Variants in TTC39B observed in about 807,000 individuals in gnomAD.
The protein encoded by TTC39B is tetratricopeptide repeat domain 39B, also known as tetratricopeptide repeat protein 39B.
TTC39B carries 92 observed loss-of-function variants against 96.6 expected under a neutral mutation model. The ratio of observed to expected loss-of-function variants is 0.95; its 90% CI spans 0.80 to 1.13. TTC39B has a LOEUF of 1.13. Among genes scored for constraint, TTC39B ranks in the 50% most tolerant of loss-of-function variants. TTC39B has a pLI of 0.00. For synonymous variants in TTC39B, 367 were observed against 299.4 expected, an observed-to-expected ratio of 1.23 and a Z score of -2.33; for missense variants, 955 against 809.3, an observed-to-expected ratio of 1.18 and a Z score of -2.18.
At chr9:15,247,153 A>T (rs1822315125) in intron 2 of TTC39B, among the ~76,000 whole-genome samples, 1 of 152,218 alleles carries the variant, frequency 6.6e-6, no homozygotes, top group African/African-American at 2.4e-5. Flanking sequence ...AGGAGAGAGA[A>T]GTGACATAAC....
intron 4 of TTC39B, among the ~76,000 whole-genome samples, chr9:15,212,344 A>C (rs1820252144): frequency 6.6e-6 from 1 of 151,766 alleles, no homozygotes; most frequent in Non-Finnish European, 1.5e-5. Flanking sequence ...TGTGGTTTCA[A>C]ACCTCACATT....
At chr9:15,220,122 T>C (rs1820764103) in intron 3 of TTC39B, among the ~76,000 whole-genome samples, 1 of 152,174 alleles carries the variant, frequency 6.6e-6, no homozygotes, top group Non-Finnish European at 1.5e-5. Context: ...GCAGACAAGT[T>C]TACTCTTCAG....
intron 3 of TTC39B, among the ~76,000 whole-genome samples, chr9:15,214,618 G>A (rs1056441285): frequency 9.9e-5 from 15 of 152,084 alleles, no homozygotes; most frequent in African/African-American, 2.7e-4. Flanking sequence ...CTCCCCGACC[G>A]TGGAATAAGT....
chr9:15,275,236 T>A (rs1823496399), intron 1 of TTC39B, among the ~76,000 whole-genome samples: 1 of 152,170 alleles, frequency 6.6e-6, no homozygotes, highest in Non-Finnish European at 1.5e-5. Flanking sequence ...AGACGGGGTT[T>A]CTCCAGGTTG....
chr9:15,275,926 AT>A (rs1162451514), intron 1 of TTC39B, among the ~76,000 whole-genome samples: 1 of 152,262 alleles, frequency 6.6e-6, no homozygotes, highest in South Asian at 2.1e-4. Context: ...TTTTGAAAAA[AT>A]TTAAAAAGAC....
At chr9:15,258,285 G>A (rs926787967) in intron 2 of TTC39B, among the ~76,000 whole-genome samples, 12 of 152,156 alleles carry the variant, frequency 7.9e-5, no homozygotes, top group Non-Finnish European at 1.6e-4. Flanking sequence ...GAAATCATCA[G>A]ACTTGGTAAT....
intron 15 of TTC39B, among the ~76,000 whole-genome samples, chr9:15,185,782 A>T (rs973393887): frequency 6.6e-6 from 1 of 152,214 alleles, no homozygotes; most frequent in African/African-American, 2.4e-5. Flanking sequence ...AGTCCAAAGT[A>T]TTTACTTACG....
chr9:15,255,668 G>C (rs965456442), intron 2 of TTC39B, among the ~76,000 whole-genome samples: 1 of 152,216 alleles, frequency 6.6e-6, no homozygotes. Context: ...TTAAGATTCT[G>C]ACACTCATTT....
intron 1 of TTC39B, among the ~76,000 whole-genome samples, chr9:15,294,190 T>C (rs1419173631): frequency 7.0e-6 from 1 of 143,660 alleles, no homozygotes; most frequent in Non-Finnish European, 1.5e-5. Context: ...GAAAGAGCAG[T>C]CTATTGTCAG....
At chr9:15,270,887 A>G (rs933101336) in intron 1 of TTC39B, among the ~76,000 whole-genome samples, 13 of 152,172 alleles carry the variant, frequency 8.5e-5, no homozygotes, top group Non-Finnish European at 1.8e-4. Flanking sequence ...TCTTAATTTT[A>G]AAAAAGGAAA....
chr9:15,261,898 G>A (rs981749934), intron 2 of TTC39B, among the ~76,000 whole-genome samples: 6 of 152,124 alleles, frequency 3.9e-5, no homozygotes, highest in African/African-American at 9.7e-5. Context: ...GGGACACTCC[G>A]TCATCAGAGC....
At chr9:15,216,845 G>A (rs957924599) in intron 3 of TTC39B, among the ~76,000 whole-genome samples, 1 of 152,234 alleles carries the variant, frequency 6.6e-6, no homozygotes, top group Non-Finnish European at 1.5e-5. Flanking sequence ...CATTCTACTG[G>A]AGAAGGGAAG....
chr9:15,213,314 T>G (rs1820314773), intron 4 of TTC39B, among the ~76,000 whole-genome samples: 1 of 152,102 alleles, frequency 6.6e-6, no homozygotes, highest in African/African-American at 2.4e-5. Flanking sequence ...ACTGGAAAAT[T>G]TCCTTAGACT....
chr9:15,199,857 T>C lies in TTC39B; in HGVS notation c.824+4A>G. On this transcript the variant is annotated splice_donor_region_variant and intron_variant, in intron 8 of 19. Transcript: ENST00000512701. ...TACAAACCACATCTTACTTTTTAAC[T>C]TACTTATATATTTGGTAACTTGTTC... 6.7e-7 allele frequency: 1 copy of C among 1,487,824 alleles called. No individual in the cohort carries two copies. The allele number at this position is 1,487,824 out of a possible 1,614,324, so 92.2% of individuals were successfully genotyped here. A position where few individuals can be genotyped will look rare whatever the true frequency, so the allele number is the denominator to read the frequency against.
intron 2 of TTC39B, among the ~76,000 whole-genome samples, chr9:15,237,125 C>T (rs1460677104): frequency 6.6e-6 from 1 of 152,030 alleles, no homozygotes; most frequent in African/African-American, 2.4e-5. Context: ...GACCAGCCTG[C>T]CCAACATGGC....
chr9:15,294,923 G>C (rs779740717), intron 1 of TTC39B, among the ~76,000 whole-genome samples: 1 of 152,150 alleles, frequency 6.6e-6, no homozygotes, highest in Non-Finnish European at 1.5e-5. Context: ...TGGTGAATAT[G>C]GAATAGATAG....
chr9:15,241,922 T>A (rs1208033877), intron 2 of TTC39B, among the ~76,000 whole-genome samples: 12 of 151,996 alleles, frequency 7.9e-5, no homozygotes, highest in Non-Finnish European at 1.5e-5. Context: ...ATTTTTGTAT[T>A]TTTAGTAGAA....
At chr9:15,277,655 T>C (rs931417521) in intron 1 of TTC39B, among the ~76,000 whole-genome samples, 34 of 152,160 alleles carry the variant, frequency 2.2e-4, no homozygotes, top group African/African-American at 8.0e-4. Context: ...AGCCTCCTCA[T>C]GAGTAAAGCA....
At chr9:15,199,034 C>A (rs1366981684) in intron 8 of TTC39B, among the ~76,000 whole-genome samples, 1 of 152,124 alleles carries the variant, frequency 6.6e-6, no homozygotes, top group Non-Finnish European at 1.5e-5. Flanking sequence ...AACAACAGAG[C>A]TCCTAAATAT....
Sources: gnomAD v4.1 joint callset for allele counts (sites outside exome capture counted in the v4.1 genomes callset) on GRCh38, gnomAD v4.1.1 for gene constraint, MANE v1.5 for transcripts, NCBI Gene and HGNC (gene_info 2026-07-23, HGNC 2026-07-21) for gene names.